ERBIN: variants seen among roughly 807,000 people sequenced by gnomAD.
ERBIN encodes the protein densin-180-like protein.
Under a neutral mutation model 158.4 loss-of-function variants are expected in ERBIN, and 60 were observed. That is an observed-to-expected ratio of 0.38 (90% CI 0.31 to 0.47). The LOEUF (loss-of-function observed/expected upper bound fraction) is 0.47. Ranked by LOEUF, ERBIN falls within the 20% of genes least tolerant of loss-of-function variation. The pLI, the probability that ERBIN is intolerant of heterozygous loss-of-function variation, is 0.99. For synonymous variants in ERBIN, 594 were observed against 557.2 expected (o/e 1.07, Z -0.93); for missense variants, 1,610 against 1,648.0 (o/e 0.98, Z 0.40).
chr5:65,998,140 T>C lies in ERBIN; in HGVS notation c.307+3276T>C, dbSNP rs1271961356. ...TAGTCAGGAGGCTGAGGCATGAGAA[T>C]CACTTGAACCCCAGGAGATGGAGGT... is the stretch of plus-strand genomic sequence containing the variant. On this transcript the variant is annotated intron_variant, in intron 4 of 25. Coordinates refer to ENST00000284037, the MANE Select transcript of ERBIN (RefSeq NM_001253697.2). Among the ~76,000 whole-genome samples, 3 of 151,532 alleles carry C rather than the reference T, an allele frequency of 2.0e-5. No individual in the cohort carries two copies. The East Asian group carries it at 5.8e-4, about 29-fold the overall frequency.
intron 20 of ERBIN, 54 bp from the exon 21 acceptor site, chr5:66,053,352 T>C: frequency 9.0e-7 from 1 of 1,107,732 alleles, no homozygotes. Context: ...ATGTTCCCTG[T>C]TACTAAGAAA....
chr5:66,046,391 T>C lies in ERBIN; in HGVS notation c.1641T>C (p.Asp547=), dbSNP rs2151213123. ...ESTTTVKSKV[D]EREKYMIGNS... ...CTACTACAGTAAAAAGCAAAGTTGA[T>C]GAAAGAGAAAAATATATGATAGGAA... The change falls in exon 18 of 26, where the codon GAT becomes GAC. Residue 547 remains aspartate, a synonymous_variant. Coordinates refer to ENST00000284037, the MANE Select transcript of ERBIN (RefSeq NM_001253697.2). The C allele has an allele frequency of 1.9e-6, 3 of 1,600,410 alleles. No individual in the cohort carries two copies. The Middle Eastern group carries it at 5.0e-4, about 266-fold the overall frequency.
chr5:66,038,586 C>A, intron 15 of ERBIN, 104 bp downstream of exon 15: 1 of 772,764 alleles, frequency 1.3e-6, no homozygotes, highest in South Asian at 2.1e-5. Flanking sequence ...GATGGGACTT[C>A]AGAGAATTGA....
At chr5:65,998,268 C>A (rs1024746972) in intron 4 of ERBIN, among the ~76,000 whole-genome samples, 2 of 148,610 alleles carry the variant, frequency 1.3e-5, no homozygotes, top group Admixed American at 1.3e-4. Context: ...ATTTATATAT[C>A]TCCACTTATT....
At chr5:65,939,434 C>T (rs1744508178) in intron 1 of ERBIN, among the ~76,000 whole-genome samples, 1 of 152,140 alleles carries the variant, frequency 6.6e-6, no homozygotes, top group Non-Finnish European at 1.5e-5. Context: ...GAGACTCCAT[C>T]TCCAAAACAA....
At chr5:65,969,840 A>G (rs1749054651) in intron 1 of ERBIN, among the ~76,000 whole-genome samples, 1 of 152,194 alleles carries the variant, frequency 6.6e-6, no homozygotes, top group Non-Finnish European at 1.5e-5. Context: ...TTGTTCAAAT[A>G]TCTTAGCTTT....
rs149020760 is a variant in ERBIN, at chr5:65,935,140, T to C, written c.-58+8334T>C. On this transcript the variant is annotated intron_variant, in intron 1 of 25. Transcript: ENST00000284037. ...TACACATATTTACATCTATTTTTAT[T>C]TATATATCTATAAATATATACAATG... Among the ~76,000 whole-genome samples, 34 of 152,314 alleles carry C rather than the reference T, an allele frequency of 2.2e-4. No individual in the cohort carries two copies. In the East Asian group the frequency reaches 6.0e-3, roughly 27 times the overall value.
intron 14 of ERBIN, among the ~76,000 whole-genome samples, chr5:66,036,749 A>G (rs1343537101): frequency 1.3e-5 from 2 of 152,222 alleles, no homozygotes; most frequent in Admixed American, 6.5e-5. Flanking sequence ...GGAAATATTC[A>G]TTGAATGAGT....
At chr5:65,989,169 A>G (rs1456379939) in intron 2 of ERBIN, among the ~76,000 whole-genome samples, 2 of 152,192 alleles carry the variant, frequency 1.3e-5, no homozygotes, top group African/African-American at 2.4e-5. Flanking sequence ...AGTTCTGATC[A>G]GGCTAGGCTT....
At chr5:66,074,820 C>T (rs1248600344) in intron 22 of ERBIN, among the ~76,000 whole-genome samples, 2 of 152,090 alleles carry the variant, frequency 1.3e-5, no homozygotes, top group East Asian at 3.9e-4. Context: ...ACAACAAGCA[C>T]TCAGGAAACT....
chr5:66,054,641 G>T lies in ERBIN; in HGVS notation c.3323G>T (p.Arg1108Ile), dbSNP rs766105737. 2 of 1,614,104 alleles carry T rather than the reference G, an allele frequency of 1.2e-6. No individual in the cohort carries two copies. The highest frequency in any genetic ancestry group is 1.1e-5 in the South Asian group (1 of 91,082). ...CCTGAAGGAGATTATTTATCATACA[G>T]AGAGTTCCACTCAGCGGGAAGAACT... ...QIPEGDYLSY[R>I]EFHSAGRTPP... The change falls in exon 21 of 26, where the codon AGA (arginine) becomes ATA (isoleucine). Residue 1108 changes from arginine to isoleucine, a missense_variant. By Grantham distance (97) the Arg-to-Ile change is moderately conservative (BLOSUM62 -3). This residue lies in a region of ERBIN where 1,014 missense variants were observed against 936.1 expected (regional missense o/e 1.08). Coordinates refer to ENST00000284037, the MANE Select transcript of ERBIN (RefSeq NM_001253697.2).
intron 13 of ERBIN, among the ~76,000 whole-genome samples, chr5:66,027,129 T>A (rs1044158758): frequency 4.6e-5 from 7 of 152,030 alleles, no homozygotes; most frequent in African/African-American, 1.7e-4. Flanking sequence ...TGTGAAGTCT[T>A]CAAAACAGCT....
chr5:66,044,042 T>C, intron 16 of ERBIN, 95 bp from the exon 17 acceptor site: 3 of 835,162 alleles, frequency 3.6e-6, no homozygotes, highest in Non-Finnish European at 5.2e-6. Flanking sequence ...GAGCTTGATA[T>C]CTAATGTAAT....
chr5:65,992,581 A>G, intron 2 of ERBIN, 129 bp from the exon 3 acceptor site: 8 of 619,748 alleles, frequency 1.3e-5, no homozygotes, highest in African/African-American at 3.8e-5. Context: ...AATGGGTTCC[A>G]TTGTGCTTGT....
intron 1 of ERBIN, among the ~76,000 whole-genome samples, chr5:65,979,558 C>T (rs1300531074): frequency 6.6e-6 from 1 of 152,054 alleles, no homozygotes; most frequent in African/African-American, 2.4e-5. Flanking sequence ...TTATAGATGA[C>T]CCAATTATTG....
intron 1 of ERBIN, among the ~76,000 whole-genome samples, chr5:65,977,553 A>G (rs1034463523): frequency 1.8e-4 from 27 of 147,170 alleles, no homozygotes; most frequent in African/African-American, 6.7e-4. Flanking sequence ...CACATCTCAG[A>G]CGATGGGCGG....
chr5:65,948,402 CTT>C (rs1304026110), intron 1 of ERBIN, among the ~76,000 whole-genome samples: 2 of 151,768 alleles, frequency 1.3e-5, no homozygotes, highest in African/African-American at 4.8e-5. Context: ...GTCTTGAACT[CTT>C]GAGCTCAAAT....
intron 4 of ERBIN, among the ~76,000 whole-genome samples, chr5:66,006,678 A>T (rs1753636808): frequency 6.6e-6 from 1 of 152,172 alleles, no homozygotes; most frequent in Non-Finnish European, 1.5e-5. Flanking sequence ...ATCTACAATG[A>T]ACTCAAACAA....
At chr5:65,975,133 G>A (rs182960111) in intron 1 of ERBIN, among the ~76,000 whole-genome samples, 7 of 152,068 alleles carry the variant, frequency 4.6e-5, no homozygotes, top group African/African-American at 1.4e-4. Flanking sequence ...TCAGCCTCTC[G>A]AATAGCTGGG....
Sources: gnomAD v4.1 joint callset for allele counts (sites outside exome capture counted in the v4.1 genomes callset) on GRCh38, gnomAD v4.1.1 for gene constraint, gnomAD v4.1.1 regional missense constraint, MANE v1.5 for transcripts, NCBI Gene and HGNC (gene_info 2026-07-23, HGNC 2026-07-21) for gene names.